ARHGAP28: variants seen among roughly 807,000 people sequenced by gnomAD.
ARHGAP28 encodes the protein rho GTPase-activating protein 28.
ARHGAP28 carries 56 observed loss-of-function variants against 90.7 expected under a neutral mutation model. The ratio of observed to expected loss-of-function variants is 0.62; its 90% CI spans 0.50 to 0.77. The LOEUF (loss-of-function observed/expected upper bound fraction) is 0.77. ARHGAP28 is among the 30% of genes least tolerant of loss of function. The pLI is 0.00. For missense variants in ARHGAP28, 869 were observed against 900.9 expected (o/e 0.96, Z 0.45); for synonymous variants, 308 against 323.3 (o/e 0.95, Z 0.51).
intron 1 of ARHGAP28, among the ~76,000 whole-genome samples, chr18:6,813,347 A>T (rs1236726193): frequency 2.6e-5 from 4 of 152,324 alleles, no homozygotes; most frequent in Non-Finnish European, 5.9e-5. Flanking sequence ...TTGCTTTTTA[A>T]TGTGTAGTTC....
chr18:6,898,570 C>A, intron 16 of ARHGAP28: 1 of 1,611,942 alleles, frequency 6.2e-7, no homozygotes, highest in Non-Finnish European at 8.5e-7. Flanking sequence ...GACATCTCCA[C>A]ATAGGCAGTC....
chr18:6,864,573 G>A (rs2057023791), intron 5 of ARHGAP28, among the ~76,000 whole-genome samples: 1 of 152,072 alleles, frequency 6.6e-6, no homozygotes, highest in African/African-American at 2.4e-5. Context: ...AATTATCTGT[G>A]ATGGTAAATA....
At chr18:6,803,051 A>C (rs984177218) in intron 1 of ARHGAP28, among the ~76,000 whole-genome samples, 2 of 152,074 alleles carry the variant, frequency 1.3e-5, no homozygotes, top group Non-Finnish European at 2.9e-5. Context: ...TAGTTTATTT[A>C]TTTCTTTCCA....
At chr18:6,759,970 T>C (rs1426827083) in intron 1 of ARHGAP28, among the ~76,000 whole-genome samples, 2 of 152,200 alleles carry the variant, frequency 1.3e-5, no homozygotes, top group Non-Finnish European at 2.9e-5. Context: ...CATCAAATTG[T>C]AATCAGGAAT....
At chr18:6,909,875 C>A (rs1049485696) in intron 17 of ARHGAP28, among the ~76,000 whole-genome samples, 1 of 152,148 alleles carries the variant, frequency 6.6e-6, no homozygotes, top group African/African-American at 2.4e-5. Context: ...CACTCTCCCA[C>A]ACCATCAGCC....
At chr18:6,841,646 G>A (rs1340886571) in intron 3 of ARHGAP28, among the ~76,000 whole-genome samples, 2 of 151,880 alleles carry the variant, frequency 1.3e-5, no homozygotes, top group Non-Finnish European at 2.9e-5. Flanking sequence ...TTCAGAGTTT[G>A]TAAGATATGG....
At chr18:6,788,230 G>A (rs1251787391) in intron 1 of ARHGAP28, among the ~76,000 whole-genome samples, 1 of 152,078 alleles carries the variant, frequency 6.6e-6, no homozygotes, top group African/African-American at 2.4e-5. Context: ...AAAGTGTGTA[G>A]CACCTCCCTC....
rs557306914 is a variant in ARHGAP28, at chr18:6,747,126, T to C, written c.122+17183T>C. ...CAAATATCTTCTCTTGAAGCCACCA[T>C]GAAAGAGCAAAGCTAATCAAGACAG... On this transcript the variant is annotated intron_variant, in intron 1 of 17. Transcript: ENST00000383472. Among the ~76,000 whole-genome samples, 7 of 151,454 alleles carry C rather than the reference T, an allele frequency of 4.6e-5. No homozygotes were observed. The East Asian group carries it at 1.4e-3, about 30-fold the overall frequency.
At chr18:6,843,198 A>G (rs982872206) in intron 3 of ARHGAP28, among the ~76,000 whole-genome samples, 4 of 151,954 alleles carry the variant, frequency 2.6e-5, no homozygotes, top group African/African-American at 9.7e-5. Flanking sequence ...GAAGGCTCCA[A>G]GTGAAATGCA....
At chr18:6,740,274 C>T (rs151131787) in intron 1 of ARHGAP28, among the ~76,000 whole-genome samples, 1 of 152,168 alleles carries the variant, frequency 6.6e-6, no homozygotes, top group Admixed American at 6.5e-5. Flanking sequence ...TGAAAGCAAC[C>T]AGGGGACCAA....
In ARHGAP28 at chr18:6,914,299, C is replaced by T. The variant is rs1027567739; in HGVS notation, c.*2145C>T. The T allele has an allele frequency of 4.6e-5, 7 of 152,072 alleles. No homozygotes were observed. Among genetic ancestry groups the T allele is most frequent in the African/African-American group, 1.2e-4 (5 of 41,412 alleles). 9.4% of individuals were successfully genotyped at this position (152,072 alleles called of 1,614,324 possible). A position where few individuals can be genotyped will look rare whatever the true frequency, so the allele number is the denominator to read the frequency against. On this transcript the variant is annotated 3_prime_UTR_variant, in exon 18 of 18. Coordinates refer to ENST00000383472, the MANE Select transcript of ARHGAP28 (RefSeq NM_001366230.1). The stretch of plus-strand genomic sequence containing the variant: ...ATGTGGTTTTAAATGGCAGGGACTT[C>T]GCTGAGTCAGTAAGTATAATCACTC...
chr18:6,898,537 T>G (rs1360848275), intron 16 of ARHGAP28: 1 of 1,613,948 alleles, frequency 6.2e-7, no homozygotes, highest in Non-Finnish European at 8.5e-7. Context: ...CCCAAACATG[T>G]ATTCCTCTTC....
chr18:6,774,121 A>G (rs977300925), intron 1 of ARHGAP28: 5 of 152,196 alleles, frequency 3.3e-5, no homozygotes, highest in South Asian at 2.1e-4. Flanking sequence ...GGGGTGCTGA[A>G]TGTGGGCTGG....
At chr18:6,764,665 AAG>A (rs1403464710) in intron 1 of ARHGAP28, among the ~76,000 whole-genome samples, 2 of 152,210 alleles carry the variant, frequency 1.3e-5, no homozygotes, top group African/African-American at 4.8e-5. Flanking sequence ...TGAACGAGCC[AAG>A]AGAGATTCCA....
chr18:6,730,973 CT>C lies in ARHGAP28; in HGVS notation c.122+1033del, dbSNP rs565020479. On this transcript the variant is annotated intron_variant, in intron 1 of 17. Coordinates refer to ENST00000383472, the MANE Select transcript of ARHGAP28 (RefSeq NM_001366230.1). ...TGATTTCCTAATTAACAGATTGTGA[CT>C]TTATTTCAAGGAATATCTTTTTGGC... Among the ~76,000 whole-genome samples, 48 of 152,238 alleles carry C rather than the reference CT, an allele frequency of 3.2e-4. No individual in the cohort carries two copies. The Middle Eastern group carries it at 0.01, about 32-fold the overall frequency.
intron 1 of ARHGAP28, among the ~76,000 whole-genome samples, chr18:6,794,071 G>A (rs2056424809): frequency 6.6e-6 from 1 of 152,094 alleles, no homozygotes; most frequent in African/African-American, 2.4e-5. Context: ...AAAGTGTATG[G>A]CGTGCAGTTC....
At chr18:6,861,954 A>G (rs1477551894) in intron 5 of ARHGAP28, among the ~76,000 whole-genome samples, 2 of 152,006 alleles carry the variant, frequency 1.3e-5, no homozygotes, top group African/African-American at 4.8e-5. Flanking sequence ...TTTTATTTTC[A>G]TTTTGTTTTT....
chr18:6,790,342 A>C (rs2056398187), intron 1 of ARHGAP28: 1 of 152,246 alleles, frequency 6.6e-6, no homozygotes, highest in Non-Finnish European at 1.5e-5. Flanking sequence ...TTTAGAGTTT[A>C]GACATATTCA....
At chr18:6,739,339 T>A (rs9960790) in intron 1 of ARHGAP28, among the ~76,000 whole-genome samples, 7,110 of 152,152 alleles carry the variant, frequency 0.047, 575 homozygotes, top group African/African-American at 0.16. Flanking sequence ...TGCAAACATT[T>A]CTATTCTGTT....
Sources: gnomAD v4.1 joint callset for allele counts (sites outside exome capture counted in the v4.1 genomes callset) on GRCh38, gnomAD v4.1.1 for gene constraint, MANE v1.5 for transcripts, NCBI Gene and HGNC (gene_info 2026-07-23, HGNC 2026-07-21) for gene names.